LMOD1: variants seen among roughly 807,000 people sequenced by gnomAD.
LMOD1 encodes leiomodin 1, also known as leiomodin-1.
LMOD1 carries 8 observed loss-of-function variants against 36.5 expected under a neutral mutation model. That is an observed-to-expected ratio of 0.22 (90% CI 0.13 to 0.40). The LOEUF (loss-of-function observed/expected upper bound fraction) is 0.40. Ranked by LOEUF, LMOD1 falls within the 10% of genes least tolerant of loss-of-function variation. The pLI is 1.00. For synonymous variants in LMOD1, 284 were observed against 288.7 expected, an observed-to-expected ratio of 0.98 and a Z score of 0.17; for missense variants, 630 against 751.1, an observed-to-expected ratio of 0.84 and a Z score of 1.88.
rs533788169 is a variant in LMOD1, at chr1:201,901,502, C to CAA, written c.262-753_262-752dup. 6.4e-3 allele frequency among the ~76,000 whole-genome samples: 470 copies of CAA among 73,602 alleles called. 20 individuals are homozygous for CAA. The highest frequency in any genetic ancestry group is 0.016 in the African/African-American group (262 of 16,756). 48.3% of individuals were successfully genotyped at this position (73,602 alleles called of 152,430 possible). A position where few individuals can be genotyped will look rare whatever the true frequency, so the allele number is the denominator to read the frequency against. ...AAGCAACAAGAGCGAAACTCTGTCT[C>CAA]AAAAAAAAAATATATATATATATAT... On this transcript the variant is annotated intron_variant, in intron 1 of 2. Coordinates refer to ENST00000367288, the MANE Select transcript of LMOD1 (RefSeq NM_012134.3).
In LMOD1 at chr1:201,946,369, G is replaced by A. The variant is rs1263764990; in HGVS notation, c.-29C>T. 7.5e-6 allele frequency: 12 copies of A among 1,607,032 alleles called. No individual in the cohort carries two copies. Among genetic ancestry groups the A allele is most frequent in the Middle Eastern group, 1.7e-4 (1 of 6,044 alleles). ...GGCAAAATGGGCTGTGGCTGCCAGG[G>A]GCTATCAGAGTCCTGGTGGGCAGGG... is the stretch of plus-strand genomic sequence containing the variant. On this transcript the variant is annotated 5_prime_UTR_variant, in exon 1 of 3. Transcript: ENST00000367288.
At chr1:201,943,748 C>T (rs950488148) in intron 1 of LMOD1, among the ~76,000 whole-genome samples, 1 of 152,188 alleles carries the variant, frequency 6.6e-6, no homozygotes, top group Non-Finnish European at 1.5e-5. Context: ...ACACGCCAAG[C>T]TCTGTGCTAA....
chr1:201,942,537 C>A lies in LMOD1; in HGVS notation c.261+3543G>T, dbSNP rs138922569. 4.9e-3 allele frequency among the ~76,000 whole-genome samples: 747 copies of A among 152,262 alleles called. 8 individuals are homozygous for A. Among genetic ancestry groups the A allele is most frequent in the African/African-American group, 0.017 (707 of 41,548 alleles). On this transcript the variant is annotated intron_variant, in intron 1 of 2. Transcript: ENST00000367288. ...TGGAGGGAGACCCTGGAGGGAGAAG[C>A]AGGCCAAGGGCCCTCTGGCAGCCTA...
intron 1 of LMOD1, among the ~76,000 whole-genome samples, chr1:201,944,732 CGG>C (rs55994652): frequency 2.0e-5 from 3 of 146,914 alleles, no homozygotes; most frequent in Admixed American, 6.8e-5. Context: ...GGTGGTGGGG[CGG>C]GGGGGGGCGG....
intron 1 of LMOD1, among the ~76,000 whole-genome samples, chr1:201,911,591 G>T (rs1279279399): frequency 1.3e-5 from 2 of 152,128 alleles, no homozygotes; most frequent in Non-Finnish European, 2.9e-5. Flanking sequence ...CTTGAACCCG[G>T]GAGGTGAAGG....
chr1:201,934,208 C>T (rs1681976298), intron 1 of LMOD1, among the ~76,000 whole-genome samples: 1 of 152,220 alleles, frequency 6.6e-6, no homozygotes, highest in African/African-American at 2.4e-5. Flanking sequence ...CCGGGGAGCA[C>T]TGAGCATTTT....
intron 1 of LMOD1, among the ~76,000 whole-genome samples, chr1:201,929,675 T>C (rs1681886147): frequency 6.6e-6 from 1 of 152,228 alleles, no homozygotes. Context: ...ATTTTGTAGA[T>C]TCAATCAAGT....
In LMOD1 at chr1:201,946,484, T is replaced by C. The variant is rs879134418; in HGVS notation, c.-144A>G. On this transcript the variant is annotated 5_prime_UTR_variant, in exon 1 of 3. Coordinates refer to ENST00000367288, the MANE Select transcript of LMOD1 (RefSeq NM_012134.3). ...GAGGACTGCAGCTCCTTGGCCCTTC[T>C]GTGCTACAGGTGCTGAAGTGTTCAC... is the stretch of plus-strand genomic sequence containing the variant. 2 of 819,932 alleles carry C rather than the reference T, an allele frequency of 2.4e-6. No individual in the cohort carries two copies. The allele number at this position is 819,932 out of a possible 1,614,324, so 50.8% of individuals were successfully genotyped here.
rs1017483404 is a variant in LMOD1, at chr1:201,897,205, C to T, written c.*1167G>A. The T allele has an allele frequency of 1.6e-5, 3 of 185,330 alleles. No individual in the cohort carries two copies. Among genetic ancestry groups the T allele is most frequent in the African/African-American group, 7.1e-5 (3 of 42,518 alleles). The allele number at this position is 185,330 out of a possible 1,614,324, so 11.5% of individuals were successfully genotyped here. ...ATATGGGTGCTATTCTCCAAATAGT[C>T]ACTCCACTTCTCTGCCTGCCGCCTT... On this transcript the variant is annotated 3_prime_UTR_variant, in exon 3 of 3. Coordinates refer to ENST00000367288, the MANE Select transcript of LMOD1 (RefSeq NM_012134.3).
intron 1 of LMOD1, among the ~76,000 whole-genome samples, chr1:201,929,259 C>T (rs191342009): frequency 7.9e-4 from 120 of 152,132 alleles, no homozygotes; most frequent in African/African-American, 2.6e-3. Flanking sequence ...TCCACCACCA[C>T]GCCCAGCTAA....
chr1:201,901,986 G>T (rs960906000), intron 1 of LMOD1, among the ~76,000 whole-genome samples: 2 of 149,198 alleles, frequency 1.3e-5, no homozygotes, highest in Non-Finnish European at 3.0e-5. Context: ...TTTAGAGATG[G>T]GGGTCTTGTT....
Position 201,901,649 on chromosome 1 carries a change from CATATATATGTGTATATATATATAT to C in LMOD1, c.262-922_262-899del, listed in dbSNP as rs1558234887. On this transcript the variant is annotated intron_variant, in intron 1 of 2. Coordinates refer to ENST00000367288, the MANE Select transcript of LMOD1 (RefSeq NM_012134.3). ...GTGTGTGTATATATATATATATATA[CATATATATGTGTATATATATATAT>C]ACACATATATATATGTGTATATATA... 3.0e-4 allele frequency among the ~76,000 whole-genome samples: 19 copies of C among 62,374 alleles called. No homozygotes were observed. In the East Asian group the frequency reaches 4.7e-3, roughly 16 times the overall value. The allele number at this position is 62,374 out of a possible 152,430, so 40.9% of individuals were successfully genotyped here.
intron 1 of LMOD1, among the ~76,000 whole-genome samples, chr1:201,939,707 G>A (rs1319470104): frequency 4.6e-5 from 7 of 152,180 alleles, no homozygotes; most frequent in South Asian, 2.1e-4. Context: ...AAATATTAGC[G>A]TCGCCACTCC....
intron 1 of LMOD1, among the ~76,000 whole-genome samples, chr1:201,945,669 G>T (rs1322933044): frequency 6.6e-6 from 1 of 152,142 alleles, no homozygotes; most frequent in Admixed American, 6.5e-5. Context: ...GCTTAGCTTT[G>T]TCTTTTTGGG....
At chr1:201,906,545 CTG>C (rs1681416417) in intron 1 of LMOD1, among the ~76,000 whole-genome samples, 2 of 152,298 alleles carry the variant, frequency 1.3e-5, no homozygotes, top group Non-Finnish European at 1.5e-5. Flanking sequence ...GCTGGAGGGC[CTG>C]TCAAAGGTCC....
rs901248646 is a variant in LMOD1, at chr1:201,898,357, C to A, written c.*15G>T. Reference sequence around the variant, plus strand: ...GCAGTCATGGCATTGGCAGATGGTGCCTGGCAGCCTGGTCCTACTGAAGCA... The same window carrying A: ...GCAGTCATGGCATTGGCAGATGGTGACTGGCAGCCTGGTCCTACTGAAGCA... On this transcript the variant is annotated 3_prime_UTR_variant, in exon 3 of 3. Transcript: ENST00000367288. The A allele has an allele frequency of 4.3e-6, 7 of 1,611,900 alleles. No individual in the cohort carries two copies. Among genetic ancestry groups the A allele is most frequent in the Non-Finnish European group, 5.9e-6 (7 of 1,179,092 alleles).
At chr1:201,933,778 A>G (rs1681970513) in intron 1 of LMOD1, among the ~76,000 whole-genome samples, 1 of 151,896 alleles carries the variant, frequency 6.6e-6, no homozygotes, top group East Asian at 1.9e-4. Context: ...ACATTTCTGT[A>G]AATATTTTAT....
chr1:201,911,439 C>T lies in LMOD1; in HGVS notation c.262-10688G>A, dbSNP rs1306913910. On this transcript the variant is annotated intron_variant, in intron 1 of 2. Coordinates refer to ENST00000367288, the MANE Select transcript of LMOD1 (RefSeq NM_012134.3). Reference sequence around the variant, plus strand: ...CAGAACTTTGGGAGACCGATGTGTGCGGATCACTTGAGGTCAGGAGTTTGA... The same window carrying T: ...CAGAACTTTGGGAGACCGATGTGTGTGGATCACTTGAGGTCAGGAGTTTGA... Among the ~76,000 whole-genome samples, 6 of 152,242 alleles carry T rather than the reference C, an allele frequency of 3.9e-5. No homozygotes were observed. The South Asian group carries it at 6.2e-4, about 16-fold the overall frequency.
At chr1:201,945,308 C>G (rs1477986873) in intron 1 of LMOD1, among the ~76,000 whole-genome samples, 1 of 152,186 alleles carries the variant, frequency 6.6e-6, no homozygotes, top group Non-Finnish European at 1.5e-5. Context: ...AACCGTCACC[C>G]CTTTTCCCTC....
Sources: gnomAD v4.1 joint callset for allele counts (sites outside exome capture counted in the v4.1 genomes callset) on GRCh38, gnomAD v4.1.1 for gene constraint, MANE v1.5 for transcripts, NCBI Gene and HGNC (gene_info 2026-07-23, HGNC 2026-07-21) for gene names.